RAPGEF6: variants seen among roughly 807,000 people sequenced by gnomAD.
The protein encoded by RAPGEF6 is Rap guanine nucleotide exchange factor 6, also known as PDZ domain containing guanine nucleotide exchange factor (GEF) 2.
A neutral mutation model predicts 171.4 loss-of-function variants in RAPGEF6; 56 were observed. That is an observed-to-expected ratio of 0.33 (90% CI 0.26 to 0.41). The LOEUF is 0.41. RAPGEF6 is among the 10% of genes least tolerant of loss of function. The pLI is 1.00. For missense variants in RAPGEF6, 1,674 were observed against 1,921.4 expected, an observed-to-expected ratio of 0.87 and a Z score of 2.41; for synonymous variants, 692 against 650.1, an observed-to-expected ratio of 1.06 and a Z score of -0.98.
intron 4 of RAPGEF6, among the ~76,000 whole-genome samples, chr5:131,585,694 C>T (rs1156849665): frequency 1.3e-5 from 2 of 151,966 alleles, no homozygotes; most frequent in African/African-American, 4.8e-5. Flanking sequence ...GGTGTGGTGG[C>T]GGGCACCTGT....
At chr5:131,614,177 G>A (rs1451868670) in intron 1 of RAPGEF6, among the ~76,000 whole-genome samples, 1 of 151,460 alleles carries the variant, frequency 6.6e-6, no homozygotes, top group African/African-American at 2.4e-5. Flanking sequence ...AGCTACTTGG[G>A]AGGCTGAGGC....
Position 131,464,092 on chromosome 5 carries a change from C to A in RAPGEF6, c.2429G>T (p.Arg810Ile). The change falls in exon 18 of 28, where the codon AGA (arginine) becomes ATA (isoleucine). Residue 810 changes from arginine (R) to isoleucine (I), a missense_variant. Physicochemically the swap from Arg to Ile is moderately conservative, Grantham distance 97 (BLOSUM62 -3). Around this residue, in one of 3 missense-constraint regions of RAPGEF6, gnomAD observed 1,116 missense variants for 1,321.5 expected, o/e 0.84. Transcript: ENST00000509018. ...TAATTTGGAGAACTGATCTGGAAGTCTTCTCTGTTTTATGACACCCTCAGG... is the reference window on the plus strand; with the variant it reads ...TAATTTGGAGAACTGATCTGGAAGTATTCTCTGTTTTATGACACCCTCAGG... Reference protein sequence around the residue: ...VTPEGVIKQRRLPDQFSKLAD... With the variant: ...VTPEGVIKQRILPDQFSKLAD... 6.2e-7 allele frequency: 1 copy of A among 1,612,956 alleles called. No homozygotes were observed. Among genetic ancestry groups the A allele is most frequent in the South Asian group, 1.1e-5 (1 of 90,996 alleles).
intron 7 of RAPGEF6, among the ~76,000 whole-genome samples, chr5:131,513,203 T>G (rs767182686): frequency 6.6e-6 from 1 of 152,194 alleles, no homozygotes; most frequent in East Asian, 1.9e-4. Flanking sequence ...TATGTGTACA[T>G]GCTAAAAAGA....
intron 3 of RAPGEF6, among the ~76,000 whole-genome samples, chr5:131,596,279 A>C (rs1763899974): frequency 1.3e-5 from 2 of 150,302 alleles, no homozygotes. Context: ...AAAGGTGATT[A>C]TATAATGATA....
At chr5:131,483,220 A>G (rs928876414) in intron 15 of RAPGEF6, among the ~76,000 whole-genome samples, 5 of 151,782 alleles carry the variant, frequency 3.3e-5, no homozygotes, top group African/African-American at 1.2e-4. Flanking sequence ...ACGGTGGCGC[A>G]TGCCTGTAAT....
chr5:131,453,890 C>T (rs1753290300), intron 20 of RAPGEF6, among the ~76,000 whole-genome samples: 1 of 152,186 alleles, frequency 6.6e-6, no homozygotes, highest in Non-Finnish European at 1.5e-5. Flanking sequence ...GTCAGAAAAA[C>T]ATATCTGAAG....
chr5:131,438,762 GTTT>G (rs1276158996), intron 24 of RAPGEF6, among the ~76,000 whole-genome samples: 2 of 152,188 alleles, frequency 1.3e-5, no homozygotes, highest in East Asian at 3.9e-4. Flanking sequence ...AAGAATTTCA[GTTT>G]TTTACCTCAT....
At chr5:131,457,964 G>T (rs1753636007) in intron 19 of RAPGEF6, among the ~76,000 whole-genome samples, 1 of 152,106 alleles carries the variant, frequency 6.6e-6, no homozygotes, top group African/African-American at 2.4e-5. Context: ...GAAGCATGAA[G>T]AATGCAGTAA....
chr5:131,581,449 C>T (rs550818132), intron 4 of RAPGEF6, among the ~76,000 whole-genome samples: 4 of 152,204 alleles, frequency 2.6e-5, no homozygotes, highest in East Asian at 1.9e-4. Flanking sequence ...TCAATTCCTA[C>T]GAAACTGCAT....
intron 5 of RAPGEF6, among the ~76,000 whole-genome samples, chr5:131,557,769 T>C (rs1464940583): frequency 6.6e-6 from 1 of 152,194 alleles, no homozygotes; most frequent in Non-Finnish European, 1.5e-5. Context: ...ATAGAAATGA[T>C]TACCTGATTT....
chr5:131,511,084 A>T (rs1757686885), intron 7 of RAPGEF6, among the ~76,000 whole-genome samples: 1 of 152,238 alleles, frequency 6.6e-6, no homozygotes, highest in Non-Finnish European at 1.5e-5. Flanking sequence ...AAGTGTGCAA[A>T]GAGCTGTGAT....
intron 4 of RAPGEF6, among the ~76,000 whole-genome samples, chr5:131,588,476 G>C (rs1763393131): frequency 6.6e-6 from 1 of 152,044 alleles, no homozygotes. Context: ...CTGTAGGGTG[G>C]CTCACACTGT....
At chr5:131,486,564 G>C (rs200349294) in intron 15 of RAPGEF6, among the ~76,000 whole-genome samples, 1 of 152,140 alleles carries the variant, frequency 6.6e-6, no homozygotes, top group South Asian at 2.1e-4. Flanking sequence ...TCCTGGAATA[G>C]AGCTTAATTT....
At position 131,479,661 on chromosome 5, in the gene RAPGEF6, T is replaced by C; in HGVS notation, c.1933A>G (p.Ile645Val). Residue 645 changes from isoleucine (I) to valine (V), a missense_variant, in exon 16 of 28, where the codon ATC becomes GTC. Transcript: ENST00000509018. ...IAEKKSNRHSIQHVPGDIEQT... is the reference protein window; with the variant it reads ...IAEKKSNRHSVQHVPGDIEQT... Reference sequence around the variant, plus strand: ...TCAATATCTCCTGGCACATGCTGGATAGAATGGCGATTACTTTTTTTTTCA... The same window carrying C: ...TCAATATCTCCTGGCACATGCTGGACAGAATGGCGATTACTTTTTTTTTCA... 6.2e-7 allele frequency: 1 copy of C among 1,614,092 alleles called. No homozygotes were observed. Among genetic ancestry groups the C allele is most frequent in the South Asian group, 1.1e-5 (1 of 91,078 alleles).
At chr5:131,436,235 T>C in intron 24 of RAPGEF6, 1 of 1,537,574 alleles carries the variant, frequency 6.5e-7, no homozygotes, top group Non-Finnish European at 8.7e-7. Context: ...CTGTCTCTAT[T>C]CTCCTCAGTG....
At chr5:131,506,138 G>GTTAT (rs1171830051) in intron 9 of RAPGEF6, among the ~76,000 whole-genome samples, 9 of 152,084 alleles carry the variant, frequency 5.9e-5, no homozygotes, top group African/African-American at 1.2e-4. Context: ...GCTCTAAGAA[G>GTTAT]TTATTTATTT....
intron 9 of RAPGEF6, among the ~76,000 whole-genome samples, chr5:131,505,800 A>G (rs6882552): frequency 0.78 from 118,752 of 152,098 alleles, 46,712 homozygotes; most frequent in African/African-American, 0.84. Context: ...AAACTCTTGG[A>G]ATATTAATCC....
chr5:131,452,801 C>T (rs559269526), intron 21 of RAPGEF6, among the ~76,000 whole-genome samples: 22 of 152,116 alleles, frequency 1.4e-4, no homozygotes, highest in Non-Finnish European at 2.5e-4. Flanking sequence ...ACAGAACTAT[C>T]CACATACAAA....
In RAPGEF6 at chr5:131,472,596, T is replaced by C; in HGVS notation, c.2230A>G (p.Asn744Asp). 1 of 1,613,796 alleles carries C rather than the reference T, an allele frequency of 6.2e-7. No individual in the cohort carries two copies. Among genetic ancestry groups the C allele is most frequent in the African/African-American group, 1.3e-5 (1 of 75,040 alleles). The change falls in exon 17 of 28, where the codon AAT becomes GAT. Residue 744 changes from asparagine to aspartate, a missense_variant. Physicochemically the swap from Asn to Asp is conservative, Grantham distance 23. Coordinates refer to ENST00000509018, the MANE Select transcript of RAPGEF6 (RefSeq NM_016340.6). ...QPTTSMLDFS[N>D]PSDIPDQVIR... ...CACATATGAAAATTACCTGAAGGAT[T>C]GGAAAAATCCAACATACTGGTGGTA...
Sources: allele counts gnomAD v4.1 joint callset (sites outside exome capture counted in the v4.1 genomes callset), GRCh38; gene constraint gnomAD v4.1.1; regional missense constraint gnomAD v4.1.1; transcripts MANE v1.5; gene names NCBI Gene and HGNC (gene_info 2026-07-23, HGNC 2026-07-21).